Variants in PEX1 observed in about 807,000 individuals in gnomAD.
PEX1 encodes the protein peroxisomal biogenesis factor 1.
In PEX1, 97 loss-of-function variants were observed where a neutral mutation model predicts 152.5. The ratio of observed to expected loss-of-function variants is 0.64; its 90% CI spans 0.54 to 0.75. The LOEUF is 0.75. Ranked by LOEUF, PEX1 falls within the 30% of genes least tolerant of loss-of-function variation. PEX1 has a pLI of 0.00. For missense variants in PEX1, 1,357 were observed against 1,516.3 expected, an observed-to-expected ratio of 0.89 and a Z score of 1.74; for synonymous variants, 485 against 531.6, an observed-to-expected ratio of 0.91 and a Z score of 1.21.
chr7:92,528,259 C>A, intron 1 of PEX1, 48 bp downstream of exon 1: 1 of 1,544,798 alleles, frequency 6.5e-7, no homozygotes, highest in South Asian at 1.2e-5. Flanking sequence ...GCTTCGGCCT[C>A]GTCCGACCCC....
chr7:92,504,339 T>C (rs1792075310), intron 12 of PEX1, among the ~76,000 whole-genome samples: 2 of 152,124 alleles, frequency 1.3e-5, no homozygotes, highest in Non-Finnish European at 2.9e-5. Context: ...TGGCTACTCA[T>C]ACACAGTAGC....
intron 13 of PEX1, among the ~76,000 whole-genome samples, 179 bp from the exon 14 acceptor site, chr7:92,502,258 T>C (rs1791967349): frequency 6.6e-6 from 1 of 152,164 alleles, no homozygotes; most frequent in Non-Finnish European, 1.5e-5. Context: ...TCTGGAGTGA[T>C]GAAAATGTTT....
At chr7:92,489,175 A>C (rs1791123022) in intron 23 of PEX1, 118 bp downstream of exon 23, 1 of 948,754 alleles carries the variant, frequency 1.1e-6, no homozygotes, top group African/African-American at 1.6e-5. Flanking sequence ...ATATTTTTTG[A>C]ATTAGCTTTT....
intron 1 of PEX1, among the ~76,000 whole-genome samples, chr7:92,526,934 A>G: frequency 6.6e-6 from 1 of 152,334 alleles, no homozygotes; most frequent in Non-Finnish European, 1.5e-5. Context: ...TATAAAACAT[A>G]AATTCTATAA....
At chr7:92,502,209 G>C in intron 13 of PEX1, 130 bp from the exon 14 acceptor site, 1 of 667,390 alleles carries the variant, frequency 1.5e-6, no homozygotes, top group Non-Finnish European at 2.6e-6. Context: ...TCTGGGGATG[G>C]AGCAGGGGAG....
chr7:92,513,732 T>TA, intron 6 of PEX1, 116 bp downstream of exon 6: 1 of 775,362 alleles, frequency 1.3e-6, no homozygotes, highest in African/African-American at 1.7e-5. Flanking sequence ...TTTAACACAA[T>TA]AAAAAAAGAT....
intron 6 of PEX1, among the ~76,000 whole-genome samples, chr7:92,512,088 A>G (rs1792497897): frequency 6.6e-6 from 1 of 152,216 alleles, no homozygotes; most frequent in Middle Eastern, 3.2e-3. Context: ...GCTGGAGTGC[A>G]GTGGCGCAGT....
Position 92,494,581 on chromosome 7 carries a change from G to T in PEX1, c.2832C>A (p.Ser944=). 9 of 1,613,864 alleles carry T rather than the reference G, an allele frequency of 5.6e-6. No homozygotes were observed. The highest frequency in any genetic ancestry group is 7.6e-6 in the Non-Finnish European group (9 of 1,179,850). ...TATCATGACCCCGCCGAGGAGCAATGGATTCAAATTCATCAAAGAAAAGAA... is the reference window on the plus strand; with the variant it reads ...TATCATGACCCCGCCGAGGAGCAATTGATTCAAATTCATCAAAGAAAAGAA... ...PCILFFDEFE[S]IAPRRGHDNT... Residue 944 remains serine, a synonymous_variant, in exon 18 of 24, where the codon TCC becomes TCA. Transcript: ENST00000248633.
In PEX1 at chr7:92,501,970, A is replaced by G. The variant is rs1003716485; in HGVS notation, c.2336T>C (p.Phe779Ser). 15 of 1,613,888 alleles carry G rather than the reference A, an allele frequency of 9.3e-6. No individual in the cohort carries two copies. The highest frequency in any genetic ancestry group is 1.3e-5 in the Non-Finnish European group (15 of 1,179,876). ...LQHVAKETGG[F>S]VARDFTVLVD... ...AAGTACTGTAAAATCTCTAGCCACA[A>G]ACCCGCCAGTTTCTTTAGCTACATG... Residue 779 changes from phenylalanine (F) to serine (S), a missense_variant, in exon 14 of 24, where the codon TTT becomes TCT. Coordinates refer to ENST00000248633, the MANE Select transcript of PEX1 (RefSeq NM_000466.3).
intron 21 of PEX1, 53 bp downstream of exon 21, chr7:92,491,219 C>T (rs531973969): frequency 7.9e-7 from 1 of 1,260,990 alleles, no homozygotes; most frequent in South Asian, 1.2e-5. Context: ...CAACTTTACA[C>T]CAACATATAG....
intron 7 of PEX1, 98 bp from the exon 8 acceptor site, chr7:92,511,145 T>C: frequency 1.4e-6 from 1 of 703,380 alleles, no homozygotes; most frequent in Non-Finnish European, 2.5e-6. Flanking sequence ...TAAAGACTTT[T>C]TTTTTTTTCC....
intron 2 of PEX1, among the ~76,000 whole-genome samples, chr7:92,520,997 T>C (rs1585259431): frequency 6.6e-6 from 1 of 152,228 alleles, no homozygotes; most frequent in South Asian, 2.1e-4. Flanking sequence ...TTTTAAGAGA[T>C]AGGGTCTTGC....
Position 92,522,262 on chromosome 7 carries a change from T to C in PEX1, c.130-17A>G, listed in dbSNP as rs1206974534. ...AGCTTGATTCTATTCATATAAGAAA[T>C]GAGAGGAAAAAAGGTTTTCGTATAC... On this transcript the variant is annotated splice_polypyrimidine_tract_variant and intron_variant, in intron 1 of 23. Coordinates refer to ENST00000248633, the MANE Select transcript of PEX1 (RefSeq NM_000466.3). The C allele has an allele frequency of 6.2e-7, 1 of 1,612,412 alleles. No individual in the cohort carries two copies. The highest frequency in any genetic ancestry group is 1.7e-5 in the Admixed American group (1 of 59,864).
rs143369243 is a variant in PEX1 at position 92,519,047 on chromosome 7, G to T, written c.305C>A (p.Ser102Tyr). The T allele has an allele frequency of 6.8e-6, 11 of 1,610,188 alleles. No individual in the cohort carries two copies. The African/African-American group carries it at 8.0e-5, about 12-fold the overall frequency. The change falls in exon 3 of 24, where the codon TCT becomes TAT. Residue 102 changes from serine (S) to tyrosine (Y), a missense_variant. By Grantham distance (144) the Ser-to-Tyr change is moderately radical. Transcript: ENST00000248633. Reference protein sequence around the residue: ...VFLKPCSHVVSCQQVEVEPLS... With the variant: ...VFLKPCSHVVYCQQVEVEPLS... ...GGGTTCCACCTCAACTTGTTGACAA[G>T]ATACCACATGGGAACATGGCTTGAG...
rs786205655 is a variant in PEX1 at position 92,503,091 on chromosome 7, G to A, written c.2176C>T (p.Gln726Ter). Residue 726 changes from glutamine (Q) to a stop codon, truncating the protein, a stop_gained, in exon 13 of 24, where the codon CAA becomes TAA. Coordinates refer to ENST00000248633, the MANE Select transcript of PEX1 (RefSeq NM_000466.3). LOFTEE classifies it high-confidence loss of function. The stretch of plus-strand genomic sequence containing the variant: ...ACGCACTGAAATATGTGAACTCCTT[G>A]AGCAGAAACAAGTAAAGGATGTAGA... Reference protein sequence around the residue: ...QSLHPLLVSAQGVHIFQCVQH... With the variant: ...QSLHPLLVSA The A allele has an allele frequency of 6.2e-7, 1 of 1,613,740 alleles. No homozygotes were observed. Among genetic ancestry groups the A allele is most frequent in the African/African-American group, 1.3e-5 (1 of 75,026 alleles).
At chr7:92,516,402 G>T (rs1389147378) in intron 5 of PEX1, among the ~76,000 whole-genome samples, 1 of 151,810 alleles carries the variant, frequency 6.6e-6, no homozygotes, top group Non-Finnish European at 1.5e-5. Context: ...CTCCAGCTTG[G>T]GCAAGAAGAG....
At position 92,513,958 on chromosome 7, in the gene PEX1, C is replaced by T. The variant is rs143273433; in HGVS notation, c.1249G>A (p.Asp417Asn). ...TCTATATTTAGTCTCTTCCTCAGGTCATCTGGAATCTGAAATTTAAAAATA... is the reference window on the plus strand; with the variant it reads ...TCTATATTTAGTCTCTTCCTCAGGTTATCTGGAATCTGAAATTTAAAAATA... ...LHLGKVWIPDDLRKRLNIEMH... is the reference protein window; with the variant it reads ...LHLGKVWIPDNLRKRLNIEMH... The change falls in exon 6 of 24, where the codon GAC becomes AAC. Residue 417 changes from aspartate to asparagine, a missense_variant. Coordinates refer to ENST00000248633, the MANE Select transcript of PEX1 (RefSeq NM_000466.3). 261 of 1,567,558 alleles carry T rather than the reference C, an allele frequency of 1.7e-4. No individual in the cohort carries two copies. The highest frequency in any genetic ancestry group is 2.1e-4 in the Non-Finnish European group (235 of 1,143,394).
chr7:92,488,974 TC>T (rs1375335960), intron 23 of PEX1, among the ~76,000 whole-genome samples: 1 of 152,200 alleles, frequency 6.6e-6, no homozygotes, highest in African/African-American at 2.4e-5. Flanking sequence ...CCTCAGGTGA[TC>T]CACCTGCCTT....
At chr7:92,492,258 C>T (rs930623630) in intron 20 of PEX1, among the ~76,000 whole-genome samples, 1 of 152,164 alleles carries the variant, frequency 6.6e-6, no homozygotes, top group African/African-American at 2.4e-5. Flanking sequence ...CCTCCTGCCA[C>T]AGCCTCTCCC....
Sources: gnomAD v4.1 joint callset for allele counts (sites outside exome capture counted in the v4.1 genomes callset) on GRCh38, gnomAD v4.1.1 for gene constraint, MANE v1.5 for transcripts, NCBI Gene and HGNC (gene_info 2026-07-23, HGNC 2026-07-21) for gene names.